AFTPH: variants seen among roughly 807,000 people sequenced by gnomAD.
The protein encoded by AFTPH is aftiphilin protein.
AFTPH carries 7 observed loss-of-function variants against 72.5 expected under a neutral mutation model. The observed-to-expected ratio is 0.10, with a 90% CI of 0.05 to 0.18. AFTPH has a LOEUF of 0.18. Ranked by LOEUF, AFTPH falls within the 10% of genes least tolerant of loss-of-function variation. The probability of loss-of-function intolerance (pLI) is 1.00; values close to 1 mark genes in which losing one functional copy is unlikely to be tolerated. For missense variants in AFTPH, 979 were observed against 1,060.5 expected, an observed-to-expected ratio of 0.92 and a Z score of 1.07; for synonymous variants, 337 against 370.1, an observed-to-expected ratio of 0.91 and a Z score of 1.03.
exon 2 of AFTPH, chr2:64,552,000 C>G: frequency 6.2e-7 from 1 of 1,613,834 alleles, no homozygotes; most frequent in African/African-American, 1.3e-5. Flanking sequence ...TGGTGAAAAG[C>G]CTCCTTGTCT....
exon 2 of AFTPH, chr2:64,552,358 A>T: frequency 1.2e-6 from 2 of 1,614,090 alleles, no homozygotes; most frequent in Non-Finnish European, 1.7e-6. Context: ...GATGGAGAGG[A>T]TCAGGTTTGT....
At chr2:64,524,412 G>T in exon 1 of AFTPH, 1 of 404,530 alleles carries the variant, frequency 2.5e-6, no homozygotes, top group Non-Finnish European at 4.4e-6. Context: ...GGAAGAGGGC[G>T]GAGGGTAGTG....
intron 6 of AFTPH, among the ~76,000 whole-genome samples, chr2:64,576,159 G>GTA (rs1308664957): frequency 1.5e-4 from 22 of 142,806 alleles, no homozygotes; most frequent in East Asian, 1.0e-3. Flanking sequence ...GTGTGTGTAT[G>GTA]TATATATATA....
chr2:64,564,856 A>G (rs13416068), intron 2 of AFTPH, among the ~76,000 whole-genome samples: 1 of 147,558 alleles, frequency 6.8e-6, no homozygotes, highest in East Asian at 2.0e-4. Flanking sequence ...TTTTTTTTTT[A>G]AGACCAAGTC....
chr2:64,592,490 A>G (rs550435499), exon 9 of AFTPH: 1 of 152,616 alleles, frequency 6.6e-6, no homozygotes, highest in South Asian at 2.1e-4. Context: ...TCCCCCATTT[A>G]ATTTTTTTTT....
rs1243472946 is a variant in AFTPH at position 64,548,433 on chromosome 2, A to AAAAAAAC, written c.-32-3008_-32-3007insAAAACAA. Among the ~76,000 whole-genome samples the AAAAAAAC allele has an allele frequency of 1.5e-3, 150 of 102,590 alleles. 21 individuals carry two copies. The highest frequency in any genetic ancestry group is 3.5e-3 in the African/African-American group (96 of 27,682). 67.3% of individuals were successfully genotyped at this position (102,590 alleles called of 152,430 possible). On this transcript the variant is annotated intron_variant, in intron 1 of 8. Transcript: ENST00000238856. ...AAAAAAAAAAAAAAAAAAAAAAAAA[A>AAAAAAAC]AACTTTAGAAAAAGGAATCCTGTAG... is the stretch of plus-strand genomic sequence containing the variant.
chr2:64,561,645 C>T (rs1317014513), intron 2 of AFTPH, among the ~76,000 whole-genome samples: 1 of 152,026 alleles, frequency 6.6e-6, no homozygotes. Context: ...CACCACTGCG[C>T]TGAAGCCTGA....
chr2:64,576,179 A>G, intron 6 of AFTPH, among the ~76,000 whole-genome samples: 1 of 147,628 alleles, frequency 6.8e-6, no homozygotes, highest in Admixed American at 6.8e-5. Context: ...ATGGATTTAC[A>G]TATACATATA....
Position 64,572,936 on chromosome 2 carries a change from C to G in AFTPH, c.2272-10C>G, listed in dbSNP as rs201579619. 3 of 1,613,818 alleles carry G rather than the reference C, an allele frequency of 1.9e-6. No individual in the cohort carries two copies. The highest frequency in any genetic ancestry group is 2.5e-6 in the Non-Finnish European group (3 of 1,179,908). ...CCCATCCCCATTAAAGGCTAATATT[C>G]CTTTTTCAGGGTATGTTAGAGCCCA... On this transcript the variant is annotated splice_polypyrimidine_tract_variant and intron_variant, in intron 5 of 8. Coordinates refer to ENST00000238856, the Ensembl canonical transcript of AFTPH.
At position 64,547,447 on chromosome 2, in the gene AFTPH, C is replaced by G. The variant is rs967378861; in HGVS notation, c.-32-3996C>G. On this transcript the variant is annotated intron_variant, in intron 1 of 8. Transcript: ENST00000238856. The stretch of plus-strand genomic sequence containing the variant: ...TCAGGTGGTGCATGATTTCAGTGTT[C>G]CCATTACTGATAATGTTCATGTTGA... 3.3e-5 allele frequency among the ~76,000 whole-genome samples: 5 copies of G among 152,256 alleles called. No individual in the cohort carries two copies. In the South Asian group the frequency reaches 1.0e-3, roughly 32 times the overall value.
rs1386514416 is a variant in AFTPH at position 64,569,597 on chromosome 2, GTTCT to G, written c.2215-21_2215-18del. ...ATGATAGATTATTCTCTAAATATAT[GTTCT>G]TTCTGTCTAACGTGTGTGTAGCTCT... On this transcript the variant is annotated intron_variant, in intron 4 of 8. Transcript: ENST00000238856. 1.9e-6 allele frequency: 3 copies of G among 1,609,784 alleles called. 1 individual carries two copies. Among genetic ancestry groups the G allele is most frequent in the Middle Eastern group, 3.3e-4 (2 of 6,042 alleles).
intron 8 of AFTPH, among the ~76,000 whole-genome samples, chr2:64,590,377 T>C (rs1444493936): frequency 6.6e-6 from 1 of 152,162 alleles, no homozygotes; most frequent in Non-Finnish European, 1.5e-5. Context: ...TCAGGGTAAA[T>C]ATTTTGGCTA....
At chr2:64,579,579 G>T in intron 7 of AFTPH, 33 bp downstream of exon 7, 1 of 1,586,752 alleles carries the variant, frequency 6.3e-7, no homozygotes, top group Non-Finnish European at 8.6e-7. Flanking sequence ...TAGCACCAGA[G>T]CTAGAGTTAA....
At chr2:64,582,344 T>C (rs1320085805) in intron 7 of AFTPH, among the ~76,000 whole-genome samples, 1 of 152,218 alleles carries the variant, frequency 6.6e-6, no homozygotes, top group Non-Finnish European at 1.5e-5. Context: ...AGAGTGAACC[T>C]GGGACCTAGG....
chr2:64,552,603 G>A (rs1345645173), exon 2 of AFTPH: 1 of 1,614,000 alleles, frequency 6.2e-7, no homozygotes, highest in African/African-American at 1.3e-5. Flanking sequence ...TAAAACTTCT[G>A]ATGATGAAGT....
chr2:64,581,289 AAACC>A lies in AFTPH; in HGVS notation c.2455+1745_2455+1748del, dbSNP rs1673180972. On this transcript the variant is annotated intron_variant, in intron 7 of 8. Transcript: ENST00000238856. ...ACAATCCCAGGTCAGCAGAGTGTTA[AAACC>A]ACAATTCCAGTTTATTTACTAAAAG... is the stretch of plus-strand genomic sequence containing the variant. 1 of 1,569,468 alleles carries A rather than the reference AAACC, an allele frequency of 6.4e-7. No homozygotes were observed. The highest frequency in any genetic ancestry group is 1.4e-5 in the African/African-American group (1 of 73,508).
intron 4 of AFTPH, 124 bp downstream of exon 4, chr2:64,569,342 T>G: frequency 7.6e-7 from 1 of 1,312,698 alleles, no homozygotes; most frequent in Middle Eastern, 2.0e-4. Context: ...GTTTAAATGT[T>G]CACTTATATT....
At chr2:64,578,258 G>A (rs754174387) in intron 6 of AFTPH, among the ~76,000 whole-genome samples, 2 of 151,942 alleles carry the variant, frequency 1.3e-5, no homozygotes, top group African/African-American at 2.4e-5. Flanking sequence ...ACCTACCTAC[G>A]CAGAAAAAAA....
chr2:64,552,642 T>C, exon 2 of AFTPH: 2 of 1,614,194 alleles, frequency 1.2e-6, no homozygotes, highest in Non-Finnish European at 1.7e-6. Flanking sequence ...AAGTAGAAAG[T>C]TTACTAATTT....
Sources: gnomAD v4.1 joint callset for allele counts (sites outside exome capture counted in the v4.1 genomes callset) on GRCh38, gnomAD v4.1.1 for gene constraint, MANE v1.5 for transcripts, NCBI Gene and HGNC (gene_info 2026-07-23, HGNC 2026-07-21) for gene names.